ADGRL1: variants seen among roughly 807,000 people sequenced by gnomAD.
The protein encoded by ADGRL1 is CIRL-1.
In ADGRL1, 31 loss-of-function variants were observed where a neutral mutation model predicts 148.9. That is an observed-to-expected ratio of 0.21 (90% CI 0.16 to 0.28). The LOEUF (loss-of-function observed/expected upper bound fraction) is 0.28, where lower values mean the gene tolerates loss of function less well. ADGRL1 is among the 10% of genes least tolerant of loss of function. The pLI is 1.00. For synonymous variants in ADGRL1, 937 were observed against 900.3 expected (o/e 1.04, Z -0.73); for missense variants, 1,521 against 2,058.8 (o/e 0.74, Z 5.05).
chr19:14,200,575 T>G (rs1223396128), intron 1 of ADGRL1, among the ~76,000 whole-genome samples: 2 of 152,228 alleles, frequency 1.3e-5, no homozygotes, highest in Non-Finnish European at 2.9e-5. Context: ...CCATCGGGCT[T>G]TCTACAGAAA....
At chr19:14,205,799 G>C (rs1176978481) in intron 1 of ADGRL1, among the ~76,000 whole-genome samples, 186 bp downstream of exon 1, 1 of 151,588 alleles carries the variant, frequency 6.6e-6, no homozygotes, top group Non-Finnish European at 1.5e-5. Flanking sequence ...TGGGGGTGAG[G>C]TGCGGGCTGC....
chr19:14,179,784 A>G (rs973548489), intron 2 of ADGRL1, among the ~76,000 whole-genome samples: 2 of 151,860 alleles, frequency 1.3e-5, no homozygotes, highest in Non-Finnish European at 2.9e-5. Flanking sequence ...GGTGGCAGGC[A>G]CCTGTAATCC....
At chr19:14,193,271 C>CAAAAAA (rs34844517) in intron 1 of ADGRL1, among the ~76,000 whole-genome samples, 2 of 48,616 alleles carry the variant, frequency 4.1e-5, no homozygotes, top group South Asian at 8.8e-4. Context: ...CCCCCACCGC[C>CAAAAAA]AAAAAAAAAA....
intron 1 of ADGRL1, among the ~76,000 whole-genome samples, chr19:14,193,009 T>C (rs111763223): frequency 0.02 from 3,064 of 152,232 alleles, 55 homozygotes; most frequent in African/African-American, 0.047. Context: ...TGAGGATAGC[T>C]GGAGATGGGG....
intron 1 of ADGRL1, chr19:14,191,187 G>T: frequency 2.2e-6 from 1 of 456,690 alleles, no homozygotes; most frequent in South Asian, 1.5e-5. Context: ...CAGCCATGCG[G>T]GTTCCCACCC....
chr19:14,190,943 C>G, intron 1 of ADGRL1: 1 of 374,310 alleles, frequency 2.7e-6, no homozygotes, highest in Non-Finnish European at 5.4e-6. Flanking sequence ...CAAAAATTAG[C>G]CAGGTGTGAT....
chr19:14,153,409 T>C (rs1968410205), intron 18 of ADGRL1, among the ~76,000 whole-genome samples: 1 of 143,602 alleles, frequency 7.0e-6, no homozygotes, highest in African/African-American at 2.7e-5. Flanking sequence ...GAGCAGGTTG[T>C]GATTTTTTTT....
intron 18 of ADGRL1, among the ~76,000 whole-genome samples, chr19:14,153,411 ATTTTTTTT>A (rs36035971): frequency 8.9e-6 from 1 of 112,322 alleles, no homozygotes; most frequent in African/African-American, 3.7e-5. Flanking sequence ...GCAGGTTGTG[ATTTTTTTT>A]TTTTTTTTTT....
chr19:14,187,808 A>G (rs11881631), intron 1 of ADGRL1, among the ~76,000 whole-genome samples: 15,303 of 151,832 alleles, frequency 0.1, 1,007 homozygotes, highest in African/African-American at 0.19. Flanking sequence ...TTCTCCCCCA[A>G]CTGCCCAGCC....
intron 22 of ADGRL1, 138 bp downstream of exon 22, chr19:14,151,995 G>A: frequency 1.2e-6 from 1 of 808,850 alleles, no homozygotes; most frequent in Non-Finnish European, 2.1e-6. Context: ...GCTGCCAGAG[G>A]CTGTGTGTCG....
intron 1 of ADGRL1, among the ~76,000 whole-genome samples, chr19:14,198,374 C>A (rs547018670): frequency 2.6e-5 from 4 of 152,172 alleles, no homozygotes. Context: ...CTCTACCCCA[C>A]CTGTCCCTTG....
intron 2 of ADGRL1, among the ~76,000 whole-genome samples, chr19:14,182,305 A>T (rs746291854): frequency 5.9e-5 from 9 of 152,244 alleles, no homozygotes; most frequent in Non-Finnish European, 1.2e-4. Context: ...GGCAGGGTCC[A>T]TGCTGGCCGG....
At chr19:14,190,527 A>C (rs1192122723) in intron 1 of ADGRL1, among the ~76,000 whole-genome samples, 2 of 151,994 alleles carry the variant, frequency 1.3e-5, no homozygotes, top group African/African-American at 4.8e-5. Flanking sequence ...TTGGCCTCCC[A>C]AAGTGCTGGG....
intron 4 of ADGRL1, among the ~76,000 whole-genome samples, chr19:14,165,916 G>A (rs1969916771): frequency 6.6e-6 from 1 of 152,130 alleles, no homozygotes; most frequent in South Asian, 2.1e-4. Context: ...GCCGGCCTCA[G>A]ATGGGTAAAT....
chr19:14,162,327 G>C lies in ADGRL1; in HGVS notation c.1195+279C>G, dbSNP rs1039093822. 6.6e-6 allele frequency among the ~76,000 whole-genome samples: 1 copy of C among 152,116 alleles called. No individual in the cohort carries two copies. Among genetic ancestry groups the C allele is most frequent in the Non-Finnish European group, 1.5e-5 (1 of 68,036 alleles). ...CTGCAGTTCAGTGGTTGGGAGGCTG[G>C]GTTCAAATCCTCAAATAACTTAATC... On this transcript the variant is annotated intron_variant, in intron 5 of 22. Transcript: ENST00000361434. This position sits in a 1 kb window ranked among gnomAD's most constrained non-coding sequence, Gnocchi z 5.4.
At chr19:14,154,300 C>G (rs1968512240) in intron 18 of ADGRL1, among the ~76,000 whole-genome samples, 1 of 152,200 alleles carries the variant, frequency 6.6e-6, no homozygotes, top group Non-Finnish European at 1.5e-5. Flanking sequence ...TTAAGCCTTA[C>G]CTGCCTCACC....
At chr19:14,201,314 T>TG (rs1972592436) in intron 1 of ADGRL1, among the ~76,000 whole-genome samples, 1 of 115,078 alleles carries the variant, frequency 8.7e-6, no homozygotes, top group Non-Finnish European at 1.9e-5. Flanking sequence ...TTTTTTTTTT[T>TG]GGCGGGGTGG....
chr19:14,160,355 C>T lies in ADGRL1; in HGVS notation c.1615-58G>A, dbSNP rs972488551. On this transcript the variant is annotated intron_variant, in intron 7 of 22. Transcript: ENST00000361434. This position sits in a 1 kb window ranked among gnomAD's most constrained non-coding sequence, Gnocchi z 5.9. The stretch of plus-strand genomic sequence containing the variant: ...CAGGACTGTCAGGGACCATCCTGCC[C>T]TCCCCGGCTTCCCTGGCCTGTGCAG... 8.0e-6 allele frequency: 12 copies of T among 1,492,522 alleles called. No individual in the cohort carries two copies. In the South Asian group the frequency reaches 1.4e-4, roughly 17 times the overall value. The allele number at this position is 1,492,522 out of a possible 1,614,324, so 92.5% of individuals were successfully genotyped here. A position where few individuals can be genotyped will look rare whatever the true frequency, so the allele number is the denominator to read the frequency against.
chr19:14,201,816 C>T (rs1458030311), intron 1 of ADGRL1, among the ~76,000 whole-genome samples: 1 of 152,100 alleles, frequency 6.6e-6, no homozygotes, highest in East Asian at 1.9e-4. Flanking sequence ...GCGCTTGGAT[C>T]CTCCTCACAG....
Sources: gnomAD v4.1 joint callset for allele counts (sites outside exome capture counted in the v4.1 genomes callset) on GRCh38, gnomAD v4.1.1 for gene constraint, Gnocchi (gnomAD v3.1) non-coding constraint, MANE v1.5 for transcripts, NCBI Gene and HGNC (gene_info 2026-07-23, HGNC 2026-07-21) for gene names.